The following MACROD2 variants were observed in gnomAD, a reference collection of about 807,000 sequenced individuals.
The protein encoded by MACROD2 is ADP-ribose glycohydrolase MACROD2.
In MACROD2, 36 loss-of-function variants were observed where a neutral mutation model predicts 70.4. That is an observed-to-expected ratio of 0.51 (90% CI 0.39 to 0.68). MACROD2 has a LOEUF of 0.68. MACROD2 is among the 30% of genes least tolerant of loss of function. MACROD2 has a pLI of 0.00. For synonymous variants in MACROD2, 172 were observed against 178.8 expected (o/e 0.96, Z 0.30); for missense variants, 496 against 538.4 (o/e 0.92, Z 0.78).
chr20:15,390,664 G>T (rs540054062), intron 6 of MACROD2, among the ~76,000 whole-genome samples: 1 of 151,836 alleles, frequency 6.6e-6, no homozygotes, highest in Admixed American at 6.6e-5. Context: ...CCATTTTGGG[G>T]GGAAAATAAA....
At chr20:15,443,060 A>G (rs1445480895) in intron 7 of MACROD2, among the ~76,000 whole-genome samples, 1 of 152,166 alleles carries the variant, frequency 6.6e-6, no homozygotes, top group Non-Finnish European at 1.5e-5. Flanking sequence ...ACTAAAATCA[A>G]TACATTGAGA....
At chr20:15,377,425 G>A (rs1296766779) in intron 6 of MACROD2, among the ~76,000 whole-genome samples, 1 of 152,184 alleles carries the variant, frequency 6.6e-6, no homozygotes, top group Non-Finnish European at 1.5e-5. Flanking sequence ...ATAAAATTGA[G>A]AACTGAAATC....
intron 2 of MACROD2, among the ~76,000 whole-genome samples, chr20:14,084,241 A>T (rs894089487): frequency 7.9e-5 from 12 of 151,810 alleles, no homozygotes; most frequent in Admixed American, 7.9e-4. Flanking sequence ...TAGGTGACTC[A>T]TAACCTATCA....
In MACROD2 at chr20:14,854,594, A is replaced by G. The variant is rs868616695; in HGVS notation, c.418+169635A>G. Among the ~76,000 whole-genome samples, 28 of 152,312 alleles carry G rather than the reference A, an allele frequency of 1.8e-4. No homozygotes were observed. In the Middle Eastern group the frequency reaches 0.014, roughly 74 times the overall value. On this transcript the variant is annotated intron_variant, in intron 5 of 17. Transcript: ENST00000684519. ...TAAAATAGATTATATTTTACACTAC[A>G]AAGTTCATTAAAAAACAAAAACAAA...
At chr20:14,714,115 A>G (rs1030572436) in intron 5 of MACROD2, among the ~76,000 whole-genome samples, 4 of 152,150 alleles carry the variant, frequency 2.6e-5, no homozygotes, top group African/African-American at 7.2e-5. Context: ...GGTTGGGCTC[A>G]GGTTTTCAAT....
intron 5 of MACROD2, among the ~76,000 whole-genome samples, chr20:14,886,695 T>C (rs141158653): frequency 2.6e-4 from 39 of 152,246 alleles, no homozygotes; most frequent in African/African-American, 8.4e-4. Context: ...ATAAGTATGA[T>C]TGCATTGAAA....
At chr20:14,141,918 C>T (rs1046912346) in intron 3 of MACROD2, among the ~76,000 whole-genome samples, 1 of 151,942 alleles carries the variant, frequency 6.6e-6, no homozygotes, top group East Asian at 1.9e-4. Context: ...TGAATACATA[C>T]GATGTTTTCT....
At chr20:14,950,931 A>T (rs1448978319) in intron 5 of MACROD2, among the ~76,000 whole-genome samples, 1 of 152,156 alleles carries the variant, frequency 6.6e-6, no homozygotes, top group Non-Finnish European at 1.5e-5. Context: ...CTGGCTTTTT[A>T]TGCAAAATCA....
intron 5 of MACROD2, among the ~76,000 whole-genome samples, chr20:14,965,399 G>A (rs907232972): frequency 6.8e-6 from 1 of 146,630 alleles, no homozygotes; most frequent in African/African-American, 2.5e-5. Flanking sequence ...GATATTACTA[G>A]ATCCATATTC....
At chr20:14,712,218 A>T (rs559661098) in intron 5 of MACROD2, among the ~76,000 whole-genome samples, 1 of 152,240 alleles carries the variant, frequency 6.6e-6, no homozygotes, top group East Asian at 1.9e-4. Context: ...GTACTTCTAT[A>T]TAGGGGAGTT....
At chr20:15,518,934 G>T (rs1484533918) in intron 8 of MACROD2, among the ~76,000 whole-genome samples, 1 of 152,160 alleles carries the variant, frequency 6.6e-6, no homozygotes, top group African/African-American at 2.4e-5. Flanking sequence ...CATAAGATTG[G>T]TGTTTTGCTA....
At chr20:15,645,831 G>A (rs2049532970) in intron 8 of MACROD2, among the ~76,000 whole-genome samples, 1 of 152,282 alleles carries the variant, frequency 6.6e-6, no homozygotes, top group East Asian at 1.9e-4. Context: ...TTAATGCATT[G>A]CACTTGCTCC....
At chr20:15,828,166 G>A (rs1374542282) in intron 8 of MACROD2, among the ~76,000 whole-genome samples, 2 of 152,116 alleles carry the variant, frequency 1.3e-5, no homozygotes, top group Non-Finnish European at 1.5e-5. Flanking sequence ...ATGAGGTGAT[G>A]AATATTAGTT....
intron 6 of MACROD2, among the ~76,000 whole-genome samples, chr20:15,297,204 C>T (rs1164378424): frequency 6.6e-6 from 1 of 152,132 alleles, no homozygotes; most frequent in Non-Finnish European, 1.5e-5. Context: ...AACTCTATTC[C>T]AGGCAGGGGC....
chr20:14,175,993 A>G (rs2081260521), intron 3 of MACROD2, among the ~76,000 whole-genome samples: 1 of 152,242 alleles, frequency 6.6e-6, no homozygotes, highest in South Asian at 2.1e-4. Flanking sequence ...AGCTCCAAAC[A>G]AATATAAATA....
At chr20:14,963,653 T>C (rs531110059) in intron 5 of MACROD2, among the ~76,000 whole-genome samples, 19 of 152,192 alleles carry the variant, frequency 1.2e-4, no homozygotes, top group African/African-American at 4.6e-4. Context: ...ATACTGAAAA[T>C]GCCATGACAA....
Position 15,771,941 on chromosome 20 carries a change from C to T in MACROD2, c.646-90804C>T, listed in dbSNP as rs953153913. ...TCTACTAAAAATACAAACAATTAGC[C>T]GGGCGTAGTGGCGGGCACCTGTAGT... On this transcript the variant is annotated intron_variant, in intron 8 of 17. Coordinates refer to ENST00000684519, the MANE Select transcript of MACROD2 (RefSeq NM_001351661.2). 6.6e-5 allele frequency among the ~76,000 whole-genome samples: 10 copies of T among 150,876 alleles called. No homozygotes were observed. In the East Asian group the frequency reaches 1.8e-3, roughly 27 times the overall value.
At chr20:14,560,466 A>T (rs945387341) in intron 4 of MACROD2, among the ~76,000 whole-genome samples, 4 of 151,894 alleles carry the variant, frequency 2.6e-5, no homozygotes, top group African/African-American at 7.2e-5. Flanking sequence ...ATGTGGTTGG[A>T]TATAAGAAAG....
chr20:15,567,652 G>A (rs920713983), intron 8 of MACROD2, among the ~76,000 whole-genome samples: 10 of 152,270 alleles, frequency 6.6e-5, no homozygotes, highest in South Asian at 2.1e-4. Flanking sequence ...CAACTGCCTC[G>A]TAAGTTTTCA....
Sources: gnomAD v4.1 joint callset for allele counts (sites outside exome capture counted in the v4.1 genomes callset) on GRCh38, gnomAD v4.1.1 for gene constraint, MANE v1.5 for transcripts, NCBI Gene and HGNC (gene_info 2026-07-23, HGNC 2026-07-21) for gene names.